CLVS1: variants seen among roughly 807,000 people sequenced by gnomAD.
CLVS1 encodes the protein clavesin-1.
In CLVS1, 10 loss-of-function variants were observed where a neutral mutation model predicts 33.1. That is an observed-to-expected ratio of 0.30 (90% CI 0.19 to 0.51). The LOEUF (loss-of-function observed/expected upper bound fraction) is 0.51, where lower values mean the gene tolerates loss of function less well. CLVS1 is among the 20% of genes least tolerant of loss of function. The probability of loss-of-function intolerance (pLI) is 0.97; values close to 1 mark genes in which losing one functional copy is unlikely to be tolerated. For synonymous variants in CLVS1, 163 were observed against 166.1 expected (o/e 0.98, Z 0.14); for missense variants, 343 against 433.4 (o/e 0.79, Z 1.85).
At chr8:61,272,927 C>T (rs1359443510) in intron 2 of CLVS1, among the ~76,000 whole-genome samples, 7 of 149,582 alleles carry the variant, frequency 4.7e-5, no homozygotes, top group Non-Finnish European at 7.5e-5. Context: ...AACTTCTTTG[C>T]CTTTGGTTTG....
intron 3 of CLVS1, among the ~76,000 whole-genome samples, chr8:61,387,004 G>C (rs1347543921): frequency 1.3e-5 from 2 of 152,120 alleles, no homozygotes; most frequent in African/African-American, 2.4e-5. Flanking sequence ...ACTTTTTGTT[G>C]TGTTCCACCA....
At chr8:61,446,261 A>G (rs1816755990) in intron 3 of CLVS1, among the ~76,000 whole-genome samples, 1 of 152,044 alleles carries the variant, frequency 6.6e-6, no homozygotes, top group Non-Finnish European at 1.5e-5. Flanking sequence ...TTGATTCAAG[A>G]CTTTTCTGTT....
At chr8:61,196,368 C>A (rs960860582) in intron 2 of CLVS1, among the ~76,000 whole-genome samples, 1 of 152,122 alleles carries the variant, frequency 6.6e-6, no homozygotes, top group Non-Finnish European at 1.5e-5. Context: ...CTGTACCTAA[C>A]TTACAATAAA....
intron 1 of CLVS1, among the ~76,000 whole-genome samples, chr8:61,120,725 C>T (rs1805842471): frequency 7.0e-6 from 1 of 142,678 alleles, no homozygotes. Context: ...AGGCAGTCTG[C>T]CCGTTCTCAG....
At chr8:61,358,311 TA>T (rs1301986672) in intron 2 of CLVS1, among the ~76,000 whole-genome samples, 17 of 152,242 alleles carry the variant, frequency 1.1e-4, no homozygotes, top group Non-Finnish European at 2.9e-5. Context: ...AATCAACATA[TA>T]ATTATATTGT....
intron 3 of CLVS1, among the ~76,000 whole-genome samples, chr8:61,448,711 CAAA>C (rs35158301): frequency 4.3e-5 from 6 of 139,588 alleles, no homozygotes; most frequent in African/African-American, 5.2e-5. Flanking sequence ...CCCTCTCTCT[CAAA>C]AAAAAAAAAA....
intron 3 of CLVS1, among the ~76,000 whole-genome samples, chr8:61,390,023 T>A (rs966098789): frequency 6.6e-6 from 1 of 152,208 alleles, no homozygotes; most frequent in Non-Finnish European, 1.5e-5. Flanking sequence ...TAATACATGT[T>A]GTAAATGCCT....
chr8:61,462,366 T>C (rs1366237642), intron 5 of CLVS1, among the ~76,000 whole-genome samples: 3 of 152,186 alleles, frequency 2.0e-5, no homozygotes, highest in Non-Finnish European at 4.4e-5. Flanking sequence ...GAAATGTTTT[T>C]GTTTGTTTGT....
the CLVS1 span, among the ~76,000 whole-genome samples, chr8:61,031,979 A>G: frequency 6.6e-6 from 1 of 152,224 alleles, no homozygotes; most frequent in African/African-American, 2.4e-5. Context: ...AAGATAAAAT[A>G]TGGGGGCAAT....
At chr8:61,202,067 G>C (rs149364119) in intron 2 of CLVS1, among the ~76,000 whole-genome samples, 2,738 of 152,296 alleles carry the variant, frequency 0.018, 45 homozygotes, top group Middle Eastern at 0.034. Context: ...AAGGAAGGAG[G>C]AAGTAACTTG....
intron 2 of CLVS1, among the ~76,000 whole-genome samples, chr8:61,337,865 A>G (rs749496067): frequency 6.6e-6 from 1 of 152,236 alleles, no homozygotes; most frequent in South Asian, 2.1e-4. Flanking sequence ...ACTAGAAAAC[A>G]TCTTCTTTAT....
chr8:61,162,922 A>C (rs969383554), intron 2 of CLVS1, among the ~76,000 whole-genome samples: 24 of 152,204 alleles, frequency 1.6e-4, no homozygotes, highest in African/African-American at 5.8e-4. Flanking sequence ...GCCAGTCTGA[A>C]AGGCCTGGTA....
chr8:61,032,114 C>T, the CLVS1 span, among the ~76,000 whole-genome samples: 8 of 152,218 alleles, frequency 5.3e-5, no homozygotes, highest in East Asian at 3.9e-4. Context: ...GCTGGCCCAG[C>T]GGGTAGAGCC....
intron 2 of CLVS1, among the ~76,000 whole-genome samples, chr8:61,195,210 A>T (rs942400495): frequency 1.3e-5 from 2 of 151,986 alleles, no homozygotes; most frequent in Non-Finnish European, 2.9e-5. Flanking sequence ...TATAAAACAG[A>T]GAATCAACAA....
At chr8:61,015,620 T>A in the CLVS1 span, among the ~76,000 whole-genome samples, 1 of 152,320 alleles carries the variant, frequency 6.6e-6, no homozygotes, top group South Asian at 2.1e-4. Context: ...TTCACCATCC[T>A]GAACACACGT....
Position 61,499,455 on chromosome 8 carries a change from A to C in CLVS1, c.978A>C (p.Arg326Ser). The C allele has an allele frequency of 6.2e-7, 1 of 1,610,172 alleles. No individual in the cohort carries two copies. The highest frequency in any genetic ancestry group is 8.5e-7 in the Non-Finnish European group (1 of 1,176,512). Reference sequence around the variant, plus strand: ...GTCTTTTTCCCTCCCCTCTTGTTAGATCTCAGTCTGTGGTAGAAGCTGGGA... The same window carrying C: ...GTCTTTTTCCCTCCCCTCTTGTTAGCTCTCAGTCTGTGGTAGAAGCTGGGA... ...ERECSPKLMK[R>S]SQSVVEAGTL... The change falls in exon 6 of 6, where the codon AGA becomes AGC. Residue 326 changes from arginine to serine, a missense_variant and splice_region_variant. This residue lies in a region of CLVS1 where 86 missense variants were observed against 95.0 expected (regional missense o/e 0.91). Transcript: ENST00000325897.
chr8:61,287,190 C>T (rs989883506), upstream of CLVS1, among the ~76,000 whole-genome samples: 2 of 152,124 alleles, frequency 1.3e-5, no homozygotes, highest in South Asian at 2.1e-4. Flanking sequence ...CAATATAAGA[C>T]ATGCATATTT....
chr8:61,481,969 C>T (rs1224172174), intron 5 of CLVS1, among the ~76,000 whole-genome samples: 1 of 152,186 alleles, frequency 6.6e-6, no homozygotes, highest in East Asian at 1.9e-4. Context: ...ACTGACACCT[C>T]ATACAGCTAG....
chr8:61,067,026 G>T (rs866612628), intron 1 of CLVS1, among the ~76,000 whole-genome samples: 1 of 151,712 alleles, frequency 6.6e-6, no homozygotes, highest in East Asian at 1.9e-4. Context: ...AGCCATAAAT[G>T]GGGGGGGAGG....
Sources: gnomAD v4.1 joint callset for allele counts (sites outside exome capture counted in the v4.1 genomes callset) on GRCh38, gnomAD v4.1.1 for gene constraint, gnomAD v4.1.1 regional missense constraint, MANE v1.5 for transcripts, NCBI Gene and HGNC (gene_info 2026-07-23, HGNC 2026-07-21) for gene names.